SLC6A2: variants seen among roughly 807,000 people sequenced by gnomAD.
SLC6A2 encodes the protein solute carrier family 6 member 2, also known as sodium-dependent noradrenaline transporter.
A neutral mutation model predicts 71.7 loss-of-function variants in SLC6A2; 26 were observed. The ratio of observed to expected loss-of-function variants is 0.36; its 90% CI spans 0.27 to 0.50. The LOEUF is 0.50. Ranked by LOEUF, SLC6A2 falls within the 20% of genes least tolerant of loss-of-function variation. The pLI is 0.96. For synonymous variants in SLC6A2, 363 were observed against 337.9 expected (o/e 1.07, Z -0.82); for missense variants, 581 against 803.9 (o/e 0.72, Z 3.35).
chr16:55,701,070 A>G (rs1965958833), intron 13 of SLC6A2, among the ~76,000 whole-genome samples: 1 of 152,182 alleles, frequency 6.6e-6, no homozygotes, highest in African/African-American at 2.4e-5. Flanking sequence ...ATTTATTGGG[A>G]CGCAGATATA....
Position 55,702,376 on chromosome 16 carries a change from A to T in SLC6A2, c.*30A>T. 6.2e-7 allele frequency: 1 copy of T among 1,614,174 alleles called. No homozygotes were observed. Among genetic ancestry groups the T allele is most frequent in the Non-Finnish European group, 8.5e-7 (1 of 1,180,020 alleles). ...GCCTGGAGGAGAAGGAGGAACCCCCATGCCAATGTCCAGGTCACAGGCATC... is the reference window on the plus strand; with the variant it reads ...GCCTGGAGGAGAAGGAGGAACCCCCTTGCCAATGTCCAGGTCACAGGCATC... On this transcript the variant is annotated 3_prime_UTR_variant, in exon 15 of 15. Transcript: ENST00000568943.
intron 5 of SLC6A2, among the ~76,000 whole-genome samples, chr16:55,688,129 C>G (rs1965512984): frequency 1.3e-5 from 2 of 152,188 alleles, no homozygotes; most frequent in Admixed American, 6.5e-5. Context: ...TGTGCTCTGT[C>G]TTTAATTGTT....
At position 55,685,225 on chromosome 16, in the gene SLC6A2, G is replaced by A. The variant is rs1965413597; in HGVS notation, c.727G>A (p.Val243Ile). 6.2e-7 allele frequency: 1 copy of A among 1,614,030 alleles called. No individual in the cohort carries two copies. The highest frequency in any genetic ancestry group is 1.3e-5 in the African/African-American group (1 of 74,922). The change falls in exon 5 of 15, where the codon GTC (valine) becomes ATC (isoleucine). Residue 243 changes from valine (V) to isoleucine (I), a missense_variant. Physicochemically the swap from Val to Ile is conservative, Grantham distance 29. Around this residue, in one of 5 missense-constraint regions of SLC6A2, gnomAD observed 87 missense variants for 99.5 expected, o/e 0.87. Coordinates refer to ENST00000568943, the MANE Select transcript of SLC6A2 (RefSeq NM_001172501.3). ...GTGGCAGCTCTTGCTCTGTCTGATGGTCGTCGTCATCGTCTTGTATTTTAG... is the reference window on the plus strand; with the variant it reads ...GTGGCAGCTCTTGCTCTGTCTGATGATCGTCGTCATCGTCTTGTATTTTAG... The part of the protein sequence containing the change: ...PQWQLLLCLM[V>I]VVIVLYFSLW...
rs144874378 is a variant in SLC6A2, at chr16:55,696,281, A to G, written c.1204A>G (p.Thr402Ala). Residue 402 changes from threonine (T) to alanine (A), a missense_variant, in exon 9 of 15, where the codon ACA becomes GCA. By Grantham distance (58) the Thr-to-Ala change is moderately conservative. Coordinates refer to ENST00000568943, the MANE Select transcript of SLC6A2 (RefSeq NM_001172501.3). The stretch of plus-strand genomic sequence containing the variant: ...GGCCATTTCTACCCTGTCTGGATCT[A>G]CATTCTGGGCTGTTGTGTTTTTCGT... ...PEAISTLSGS[T>A]FWAVVFFVML... 3.7e-5 allele frequency: 60 copies of G among 1,613,800 alleles called. No individual in the cohort carries two copies. Among genetic ancestry groups the G allele is most frequent in the Non-Finnish European group, 4.8e-5 (57 of 1,179,910 alleles).
Position 55,696,448 on chromosome 16 carries a change from G to A in SLC6A2, c.1260+111G>A. 5.3e-6 allele frequency: 4 copies of A among 757,584 alleles called. No individual in the cohort carries two copies. The Admixed American group carries it at 7.4e-5, about 14-fold the overall frequency. The allele number at this position is 757,584 out of a possible 1,614,324, so 46.9% of individuals were successfully genotyped here. Reference sequence around the variant, plus strand: ...CCACTATTCAAACACCAGGTTAACAGTTGTTTCCAGAAGGCCCTATTTAAA... The same window carrying A: ...CCACTATTCAAACACCAGGTTAACAATTGTTTCCAGAAGGCCCTATTTAAA... On this transcript the variant is annotated intron_variant, in intron 9 of 14. Transcript: ENST00000568943.
At chr16:55,665,968 G>C (rs1433544554) in intron 2 of SLC6A2, among the ~76,000 whole-genome samples, 5 of 152,246 alleles carry the variant, frequency 3.3e-5, no homozygotes, top group Admixed American at 6.5e-5. Flanking sequence ...TCATGTGGTT[G>C]TGTGAGTGCG....
At chr16:55,662,291 G>T (rs1179733357) in intron 2 of SLC6A2, among the ~76,000 whole-genome samples, 2 of 152,170 alleles carry the variant, frequency 1.3e-5, no homozygotes, top group African/African-American at 2.4e-5. Flanking sequence ...GTGGAGAAAG[G>T]CCCCAGGGCT....
intron 6 of SLC6A2, among the ~76,000 whole-genome samples, chr16:55,692,919 A>G (rs763898354): frequency 1.7e-4 from 26 of 152,224 alleles, no homozygotes; most frequent in Non-Finnish European, 2.4e-4. Flanking sequence ...AGAGCATAAG[A>G]CATGAATCAG....
intron 5 of SLC6A2, among the ~76,000 whole-genome samples, chr16:55,691,423 C>T (rs768722064): frequency 2.9e-4 from 44 of 152,284 alleles, no homozygotes; most frequent in Non-Finnish European, 4.1e-4. Flanking sequence ...TGAACCACGC[C>T]TTGATCTAGG....
rs952089576 is a variant in SLC6A2, at chr16:55,705,832, C to G, written c.*3486C>G. On this transcript the variant is annotated 3_prime_UTR_variant, in exon 15 of 15. Coordinates refer to ENST00000568943, the MANE Select transcript of SLC6A2 (RefSeq NM_001172501.3). ...TGGACATTCAATAGTTCCTCTTTCT[C>G]AGATATTTTTCAACTGATGCCAGAA... is the stretch of plus-strand genomic sequence containing the variant. 2.6e-5 allele frequency: 4 copies of G among 152,272 alleles called. No homozygotes were observed. Among genetic ancestry groups the G allele is most frequent in the Admixed American group, 6.5e-5 (1 of 15,286 alleles). 9.4% of individuals were successfully genotyped at this position (152,272 alleles called of 1,614,324 possible). A position where few individuals can be genotyped will look rare whatever the true frequency, so the allele number is the denominator to read the frequency against.
chr16:55,681,493 G>T lies in SLC6A2; in HGVS notation c.645-3650G>T, dbSNP rs1400012669. On this transcript the variant is annotated intron_variant, in intron 4 of 14. Coordinates refer to ENST00000568943, the MANE Select transcript of SLC6A2 (RefSeq NM_001172501.3). ...GGGAAGCCAGGTCTGTCTGACCCCA[G>T]AGCTCAGACAATTTCTGTGCCACAT... Among the ~76,000 whole-genome samples, 4 of 152,236 alleles carry T rather than the reference G, an allele frequency of 2.6e-5. No individual in the cohort carries two copies. The East Asian group carries it at 7.7e-4, about 29-fold the overall frequency.
chr16:55,677,901 T>C (rs763093658), intron 4 of SLC6A2, among the ~76,000 whole-genome samples: 4 of 152,164 alleles, frequency 2.6e-5, no homozygotes, highest in Non-Finnish European at 5.9e-5. Flanking sequence ...GCTCAGGTGA[T>C]CCACCCACCT....
chr16:55,692,720 C>T (rs1356292535), intron 6 of SLC6A2, among the ~76,000 whole-genome samples: 4 of 152,178 alleles, frequency 2.6e-5, no homozygotes, highest in Non-Finnish European at 4.4e-5. Flanking sequence ...CCTCAACATG[C>T]TATCTTACAA....
chr16:55,702,259 C>T lies in SLC6A2; in HGVS notation c.1831-64C>T, dbSNP rs1215406082. On this transcript the variant is annotated intron_variant, in intron 14 of 14. Transcript: ENST00000568943. ...TCTCTCTACCTCCTGCTGCCCCCGC[C>T]AGCTGGCCCTTGCTCCTTTCTGTCC... 11 of 1,529,794 alleles carry T rather than the reference C, an allele frequency of 7.2e-6. No individual in the cohort carries two copies. The Admixed American group carries it at 8.3e-5, about 12-fold the overall frequency. The allele number at this position is 1,529,794 out of a possible 1,614,324, so 94.8% of individuals were successfully genotyped here. A position where few individuals can be genotyped will look rare whatever the true frequency, so the allele number is the denominator to read the frequency against.
intron 7 of SLC6A2, among the ~76,000 whole-genome samples, chr16:55,694,833 G>C (rs1216120315): frequency 6.6e-6 from 1 of 152,162 alleles, no homozygotes; most frequent in Non-Finnish European, 1.5e-5. Flanking sequence ...TGCATGCACT[G>C]GGGGGAGAAG....
chr16:55,659,786 G>T (rs912037513), intron 2 of SLC6A2, among the ~76,000 whole-genome samples: 4 of 152,142 alleles, frequency 2.6e-5, no homozygotes, highest in African/African-American at 9.7e-5. Context: ...GGCAGGGGCA[G>T]CCTATTCATT....
In SLC6A2 at chr16:55,705,213, T is replaced by C; in HGVS notation, c.*2867T>C. 6.5e-7 allele frequency: 1 copy of C among 1,534,610 alleles called. No homozygotes were observed. The highest frequency in any genetic ancestry group is 1.2e-5 in the South Asian group (1 of 84,010). On this transcript the variant is annotated 3_prime_UTR_variant, in exon 15 of 15. Coordinates refer to ENST00000568943, the MANE Select transcript of SLC6A2 (RefSeq NM_001172501.3). ...AGCACCCACCTTTTAGCTTTCATTC[T>C]AGATGAAAACGAGACAAGGGAGAAG...
chr16:55,689,956 C>G (rs893491557), intron 5 of SLC6A2, among the ~76,000 whole-genome samples: 1 of 152,156 alleles, frequency 6.6e-6, no homozygotes, highest in Admixed American at 6.5e-5. Flanking sequence ...TTACTCGCTC[C>G]CATGCTGACC....
rs979319786 is a variant in SLC6A2 at position 55,703,739 on chromosome 16, G to T, written c.*1393G>T. 6.1e-6 allele frequency: 6 copies of T among 985,272 alleles called. No homozygotes were observed. Among genetic ancestry groups the T allele is most frequent in the South Asian group, 9.4e-5 (2 of 21,284 alleles). The allele number at this position is 985,272 out of a possible 1,614,324, so 61.0% of individuals were successfully genotyped here. ...TCTTATTCTGACTGTGGGAGCTCCT[G>T]TTGCGGGATCTTGGGAAAAAATAAA... On this transcript the variant is annotated 3_prime_UTR_variant, in exon 15 of 15. Transcript: ENST00000568943.
Sources: allele counts gnomAD v4.1 joint callset (sites outside exome capture counted in the v4.1 genomes callset), GRCh38; gene constraint gnomAD v4.1.1; regional missense constraint gnomAD v4.1.1; transcripts MANE v1.5; gene names NCBI Gene and HGNC (gene_info 2026-07-23, HGNC 2026-07-21).